PTPRK: variants seen among roughly 807,000 people sequenced by gnomAD.
PTPRK encodes protein tyrosine phosphatase receptor type K, also known as receptor-type tyrosine-protein phosphatase kappa.
PTPRK carries 75 observed loss-of-function variants against 178.0 expected under a neutral mutation model. The observed-to-expected ratio is 0.42, with a 90% confidence interval of 0.35 to 0.51. The LOEUF is 0.51. Among genes scored for constraint, PTPRK ranks in the 20% least tolerant of loss-of-function variants. The probability of loss-of-function intolerance (pLI) is 0.02; values close to 1 mark genes in which losing one functional copy is unlikely to be tolerated. For missense variants in PTPRK, 1,441 were observed against 1,797.8 expected, an observed-to-expected ratio of 0.80 and a Z score of 3.59; for synonymous variants, 637 against 620.6, an observed-to-expected ratio of 1.03 and a Z score of -0.39.
chr6:128,238,214 A>AAAAAAAAG, intron 5 of PTPRK: 1 of 407,070 alleles, frequency 2.5e-6, no homozygotes, highest in Admixed American at 3.2e-5. Context: ...AAAAGAAAAA[A>AAAAAAAAG]AAAAGAGGTG....
chr6:128,505,355 C>T (rs1856173394), intron 1 of PTPRK, among the ~76,000 whole-genome samples: 5 of 151,290 alleles, frequency 3.3e-5, no homozygotes, highest in Admixed American at 2.0e-4. Context: ...GCAGGAGAAT[C>T]GCTTGAACCT....
intron 7 of PTPRK, among the ~76,000 whole-genome samples, chr6:128,157,697 T>C (rs986373688): frequency 1.3e-5 from 2 of 152,082 alleles, no homozygotes; most frequent in African/African-American, 2.4e-5. Context: ...CCAGTGATGA[T>C]GAACATTTTT....
At chr6:128,507,535 C>T (rs1021613717) in intron 1 of PTPRK, among the ~76,000 whole-genome samples, 3 of 152,098 alleles carry the variant, frequency 2.0e-5, no homozygotes, top group Admixed American at 6.6e-5. Context: ...GTGATGGTCA[C>T]AGCCCACCCT....
intron 1 of PTPRK, among the ~76,000 whole-genome samples, chr6:128,430,894 A>G (rs1844751812): frequency 1.3e-5 from 2 of 151,246 alleles, no homozygotes; most frequent in Non-Finnish European, 3.0e-5. Context: ...ACACACAAAC[A>G]TTTAAAGAAA....
At chr6:128,392,392 C>G (rs1839720755) in intron 2 of PTPRK, among the ~76,000 whole-genome samples, 1 of 152,248 alleles carries the variant, frequency 6.6e-6, no homozygotes, top group Non-Finnish European at 1.5e-5. Flanking sequence ...TAAATACTAT[C>G]AAATAAGTTC....
chr6:128,085,821 T>A (rs1785692397), intron 8 of PTPRK, among the ~76,000 whole-genome samples: 1 of 152,236 alleles, frequency 6.6e-6, no homozygotes, highest in Non-Finnish European at 1.5e-5. Flanking sequence ...AGTGTCATAC[T>A]ACTTGTCGTG....
Position 128,005,233 on chromosome 6 carries a change from T to C in PTPRK, c.2345A>G (p.Lys782Arg). The C allele has an allele frequency of 1.9e-6, 3 of 1,611,150 alleles. No homozygotes were observed. The highest frequency in any genetic ancestry group is 2.2e-5 in the South Asian group (2 of 90,954). Residue 782 changes from lysine to arginine, a missense_variant, in exon 15 of 30, where the codon AAA (lysine) becomes AGA (arginine). This residue lies in a region of PTPRK where 945 missense variants were observed against 1,080.6 expected (regional missense o/e 0.87). Transcript: ENST00000368226. ...ILIVKKSKLA[K>R]KRKDAMGNTR... ...ATTCCCCATGGCATCTTTGCGTTTT[T>C]TAGCAAGTTTGCTGCCAAGGCAAAT...
At chr6:128,366,213 T>A (rs1471025029) in intron 2 of PTPRK, among the ~76,000 whole-genome samples, 1 of 152,128 alleles carries the variant, frequency 6.6e-6, no homozygotes, top group Non-Finnish European at 1.5e-5. Flanking sequence ...GGTACTAAAA[T>A]GCAGGTGTTA....
rs565464178 is a variant in PTPRK, at chr6:128,242,421, G to C, written c.577+100C>G. 292 of 1,463,808 alleles carry C rather than the reference G, an allele frequency of 2.0e-4. 2 individuals are homozygous for C. The African/African-American group carries it at 2.1e-3, about 10-fold the overall frequency. 90.7% of individuals were successfully genotyped at this position (1,463,808 alleles called of 1,614,324 possible). A position where few individuals can be genotyped will look rare whatever the true frequency, so the allele number is the denominator to read the frequency against. ...AAGGCTAGGACTAACAATAACAAGA[G>C]AGACAGCAAAAACCAAGTGATAAAC... On this transcript the variant is annotated intron_variant, in intron 4 of 29. Transcript: ENST00000368226.
intron 3 of PTPRK, among the ~76,000 whole-genome samples, chr6:128,267,585 T>C (rs1819163383): frequency 1.3e-5 from 2 of 152,088 alleles, no homozygotes; most frequent in African/African-American, 4.8e-5. Context: ...TTACCAATAA[T>C]TCCCAAAAAA....
chr6:128,410,449 C>T (rs1474087138), intron 1 of PTPRK, among the ~76,000 whole-genome samples: 1 of 152,122 alleles, frequency 6.6e-6, no homozygotes, highest in African/African-American at 2.4e-5. Flanking sequence ...ATATTCTGAG[C>T]ATATTGTAAA....
At chr6:128,403,987 T>C (rs1052853594) in intron 1 of PTPRK, among the ~76,000 whole-genome samples, 1 of 152,244 alleles carries the variant, frequency 6.6e-6, no homozygotes, top group Non-Finnish European at 1.5e-5. Flanking sequence ...ATGGCTGTAC[T>C]TGAATAAAAT....
intron 8 of PTPRK, among the ~76,000 whole-genome samples, chr6:128,087,554 G>T (rs1786113702): frequency 2.0e-5 from 3 of 151,580 alleles, no homozygotes; most frequent in Admixed American, 6.6e-5. Context: ...GCATTGAGTT[G>T]TGTGTGTGTG....
chr6:128,218,822 A>G (rs973380498), intron 6 of PTPRK, 100 bp downstream of exon 6: 6 of 1,087,264 alleles, frequency 5.5e-6, no homozygotes, highest in African/African-American at 1.6e-5. Flanking sequence ...ACTTGACATC[A>G]GAAACACTAT....
chr6:128,022,758 T>C (rs1773722065), intron 13 of PTPRK, among the ~76,000 whole-genome samples: 1 of 152,170 alleles, frequency 6.6e-6, no homozygotes, highest in Admixed American at 6.5e-5. Context: ...TCACTCTGAG[T>C]TTGCTCTTTC....
At chr6:127,993,820 T>C (rs753689481) in intron 18 of PTPRK, among the ~76,000 whole-genome samples, 3 of 151,652 alleles carry the variant, frequency 2.0e-5, no homozygotes, top group Non-Finnish European at 3.0e-5. Flanking sequence ...GGGAAAATTA[T>C]GAAATTGTAT....
intron 7 of PTPRK, among the ~76,000 whole-genome samples, chr6:128,166,792 C>A (rs1799470285): frequency 1.3e-5 from 2 of 151,630 alleles, no homozygotes; most frequent in African/African-American, 4.8e-5. Flanking sequence ...TCTGTTAAAT[C>A]TTTTTGTGCT....
chr6:128,081,594 T>C (rs1427087050), intron 10 of PTPRK, among the ~76,000 whole-genome samples: 2 of 151,978 alleles, frequency 1.3e-5, no homozygotes, highest in Admixed American at 6.6e-5. Flanking sequence ...TGAACACAAA[T>C]GAACAAAAAG....
chr6:128,144,229 A>G (rs1796167227), intron 7 of PTPRK, among the ~76,000 whole-genome samples: 1 of 152,180 alleles, frequency 6.6e-6, no homozygotes, highest in Non-Finnish European at 1.5e-5. Context: ...ATTGAGTGTG[A>G]GCCTAAACTT....
Sources: gnomAD v4.1 joint callset for allele counts (sites outside exome capture counted in the v4.1 genomes callset) on GRCh38, gnomAD v4.1.1 for gene constraint, gnomAD v4.1.1 regional missense constraint, MANE v1.5 for transcripts, NCBI Gene and HGNC (gene_info 2026-07-23, HGNC 2026-07-21) for gene names.